Variants in FAF1 observed in about 807,000 individuals in gnomAD.
FAF1 encodes the protein Fas associated factor 1, also known as FAS-associated factor 1.
Under a neutral mutation model 92.5 loss-of-function variants are expected in FAF1, and 25 were observed. That is an observed-to-expected ratio of 0.27 (90% CI 0.20 to 0.38). The LOEUF (loss-of-function observed/expected upper bound fraction) is 0.38. Ranked by LOEUF, FAF1 falls within the 10% of genes least tolerant of loss-of-function variation. The pLI is 1.00. For synonymous variants in FAF1, 234 were observed against 273.2 expected, an observed-to-expected ratio of 0.86 and a Z score of 1.42; for missense variants, 636 against 793.3, an observed-to-expected ratio of 0.80 and a Z score of 2.38.
chr1:50,884,570 T>C (rs1360350944), intron 1 of FAF1, among the ~76,000 whole-genome samples: 2 of 152,066 alleles, frequency 1.3e-5, no homozygotes, highest in African/African-American at 4.8e-5. Flanking sequence ...CAGATTTACT[T>C]GTGTATGCTG....
intron 7 of FAF1, among the ~76,000 whole-genome samples, chr1:50,655,739 G>T (rs1289768167): frequency 6.6e-6 from 1 of 152,128 alleles, no homozygotes; most frequent in Non-Finnish European, 1.5e-5. Context: ...GATGAAATAA[G>T]AGTTAAGAAA....
At chr1:50,556,106 C>T (rs958017842) in intron 13 of FAF1, among the ~76,000 whole-genome samples, 71 of 151,732 alleles carry the variant, frequency 4.7e-4, no homozygotes, top group South Asian at 8.4e-4. Flanking sequence ...GGCTTGGTGG[C>T]GGGCGCCTGT....
At chr1:50,802,097 T>A (rs2124593439) in intron 2 of FAF1, among the ~76,000 whole-genome samples, 1 of 149,346 alleles carries the variant, frequency 6.7e-6, no homozygotes, top group East Asian at 1.9e-4. Context: ...TTACTATTCT[T>A]TTTTTTTTTT....
chr1:50,471,009 C>T (rs1646565099), intron 18 of FAF1: 1 of 152,184 alleles, frequency 6.6e-6, no homozygotes, highest in African/African-American at 2.4e-5. Flanking sequence ...TTTACTATAA[C>T]GTGAACTCTT....
At chr1:50,759,606 A>G (rs932637162) in intron 4 of FAF1, among the ~76,000 whole-genome samples, 1 of 152,114 alleles carries the variant, frequency 6.6e-6, no homozygotes, top group African/African-American at 2.4e-5. Context: ...GTGCCGCAAT[A>G]AACATACGTG....
At chr1:50,909,953 A>T (rs1464209065) in intron 1 of FAF1, among the ~76,000 whole-genome samples, 1 of 152,174 alleles carries the variant, frequency 6.6e-6, no homozygotes, top group Non-Finnish European at 1.5e-5. Flanking sequence ...GGAGGAGAAG[A>T]GGCACTCTGA....
intron 7 of FAF1, among the ~76,000 whole-genome samples, chr1:50,671,703 G>T (rs935399211): frequency 6.6e-6 from 1 of 151,672 alleles, no homozygotes; most frequent in East Asian, 1.9e-4. Context: ...ATACCTTATC[G>T]ATTCATTAAG....
chr1:50,661,049 A>T (rs893533182), intron 7 of FAF1, among the ~76,000 whole-genome samples: 1 of 152,214 alleles, frequency 6.6e-6, no homozygotes, highest in Non-Finnish European at 1.5e-5. Context: ...ATGGAGAAAC[A>T]ATAGAAAAAA....
At chr1:50,615,986 A>T (rs1569587040) in intron 8 of FAF1, among the ~76,000 whole-genome samples, 2 of 152,100 alleles carry the variant, frequency 1.3e-5, no homozygotes, top group South Asian at 4.1e-4. Flanking sequence ...TTATAGTTTG[A>T]GGTTTTACAT....
intron 1 of FAF1, among the ~76,000 whole-genome samples, chr1:50,913,429 C>A (rs1644899905): frequency 1.3e-5 from 2 of 152,170 alleles, no homozygotes; most frequent in African/African-American, 4.8e-5. Context: ...TACTTGGTGG[C>A]AGAACCAGAA....
At chr1:50,660,444 AG>A (rs1472761426) in intron 7 of FAF1, among the ~76,000 whole-genome samples, 1 of 152,126 alleles carries the variant, frequency 6.6e-6, no homozygotes, top group Non-Finnish European at 1.5e-5. Context: ...CTAATAAAAA[AG>A]TCACAAAGTT....
At chr1:50,552,112 T>C (rs1424700868) in intron 13 of FAF1, among the ~76,000 whole-genome samples, 1 of 151,868 alleles carries the variant, frequency 6.6e-6, no homozygotes, top group African/African-American at 2.4e-5. Context: ...CTGGCCAACA[T>C]GATGAAACCC....
chr1:50,500,613 T>A (rs1308309127), intron 15 of FAF1, among the ~76,000 whole-genome samples: 1 of 152,152 alleles, frequency 6.6e-6, no homozygotes, highest in Non-Finnish European at 1.5e-5. Context: ...TAGGCAAATA[T>A]GACCCAAAAG....
At chr1:50,784,794 G>C (rs917337551) in intron 4 of FAF1, among the ~76,000 whole-genome samples, 2 of 152,124 alleles carry the variant, frequency 1.3e-5, no homozygotes, top group Non-Finnish European at 2.9e-5. Context: ...CAAAGCTAGA[G>C]TAATTAGATC....
intron 18 of FAF1, among the ~76,000 whole-genome samples, chr1:50,461,012 G>C (rs1646421868): frequency 6.6e-6 from 1 of 152,146 alleles, no homozygotes; most frequent in Non-Finnish European, 1.5e-5. Flanking sequence ...TATGTACCGA[G>C]TGGTTGATGA....
At chr1:50,821,152 G>C (rs1644039819) in intron 2 of FAF1, among the ~76,000 whole-genome samples, 1 of 152,158 alleles carries the variant, frequency 6.6e-6, no homozygotes, top group Non-Finnish European at 1.5e-5. Context: ...AAATAATACA[G>C]ATAAAGTACT....
intron 6 of FAF1, among the ~76,000 whole-genome samples, chr1:50,737,739 T>C (rs1422843186): frequency 6.6e-6 from 1 of 152,190 alleles, no homozygotes; most frequent in Non-Finnish European, 1.5e-5. Context: ...TGATTTCTAC[T>C]TCAGTGAAGC....
chr1:50,610,636 A>C (rs1228426865), intron 8 of FAF1, among the ~76,000 whole-genome samples: 3 of 152,196 alleles, frequency 2.0e-5, no homozygotes, highest in African/African-American at 7.2e-5. Flanking sequence ...TTATCTCCCC[A>C]CAAAGTGTCG....
At chr1:50,510,225 G>T (rs1647116810) in intron 15 of FAF1, among the ~76,000 whole-genome samples, 1 of 150,958 alleles carries the variant, frequency 6.6e-6, no homozygotes, top group South Asian at 2.1e-4. Context: ...ACAGAAGGAT[G>T]AAATGAAATC....
Sources: gnomAD v4.1 joint callset for allele counts (sites outside exome capture counted in the v4.1 genomes callset) on GRCh38, gnomAD v4.1.1 for gene constraint, MANE v1.5 for transcripts, NCBI Gene and HGNC (gene_info 2026-07-23, HGNC 2026-07-21) for gene names.